Variants in DNER observed in about 807,000 individuals in gnomAD.
DNER encodes the protein delta and Notch-like epidermal growth factor-related receptor.
In DNER, 33 loss-of-function variants were observed where a neutral mutation model predicts 78.2. That is an observed-to-expected ratio of 0.42 (90% CI 0.32 to 0.56). DNER has a LOEUF of 0.56. Ranked by LOEUF, DNER falls within the 20% of genes least tolerant of loss-of-function variation. The pLI, the probability that DNER is intolerant of heterozygous loss-of-function variation, is 0.11. For synonymous variants in DNER, 417 were observed against 384.8 expected, an observed-to-expected ratio of 1.08 and a Z score of -0.98; for missense variants, 918 against 975.3, an observed-to-expected ratio of 0.94 and a Z score of 0.78.
intron 6 of DNER, among the ~76,000 whole-genome samples, chr2:229,492,502 A>C (rs1383759958): frequency 6.6e-6 from 1 of 152,090 alleles, no homozygotes; most frequent in Non-Finnish European, 1.5e-5. Context: ...ACACTCTTTG[A>C]CTCAAAGATG....
chr2:229,522,547 C>T (rs57594063), intron 5 of DNER, among the ~76,000 whole-genome samples: 2,937 of 152,278 alleles, frequency 0.019, 102 homozygotes, highest in African/African-American at 0.068. Flanking sequence ...AGACAACATA[C>T]CATTCTACTT....
In DNER at chr2:229,512,800, G is replaced by A. The variant is rs1695891714; in HGVS notation, c.1130C>T (p.Thr377Ile). 6.2e-6 allele frequency: 10 copies of A among 1,614,034 alleles called. No individual in the cohort carries two copies. Among genetic ancestry groups the A allele is most frequent in the Admixed American group, 3.3e-5 (2 of 60,008 alleles). Residue 377 changes from threonine to isoleucine, a missense_variant, in exon 6 of 13, where the codon ACC becomes ATC. Physicochemically the swap from Thr to Ile is moderately conservative, Grantham distance 89. Coordinates refer to ENST00000341772, the MANE Select transcript of DNER (RefSeq NM_139072.4). ...TGTCGTACCAGGAAGGCAAACACAGGTGAAATTGCTCCCATCTTGCTTTTC... is the reference window on the plus strand; with the variant it reads ...TGTCGTACCAGGAAGGCAAACACAGATGAAATTGCTCCCATCTTGCTTTTC... ...ANEKQDGSNF[T>I]CVCLPGYTGE... is the part of the protein sequence containing the mutation.
intron 11 of DNER, among the ~76,000 whole-genome samples, chr2:229,367,461 C>T (rs34197095): frequency 0.19 from 28,861 of 151,798 alleles, 4,895 homozygotes; most frequent in African/African-American, 0.46. Context: ...ATTAGCTGGG[C>T]GTGGTGGTGG....
chr2:229,708,799 T>TAAGAATGCAGC (rs929362402), intron 1 of DNER, among the ~76,000 whole-genome samples: 1 of 152,216 alleles, frequency 6.6e-6, no homozygotes. Context: ...TGATGCCTCC[T>TAAGAATGCAGC]AAGAATGCAG....
intron 5 of DNER, among the ~76,000 whole-genome samples, chr2:229,514,943 T>C (rs13015872): frequency 1.3e-5 from 2 of 152,242 alleles, no homozygotes; most frequent in African/African-American, 4.8e-5. Context: ...CAGGTCCTTG[T>C]AATCTGCATA....
chr2:229,496,817 T>C (rs1186903886), intron 6 of DNER, among the ~76,000 whole-genome samples: 1 of 152,176 alleles, frequency 6.6e-6, no homozygotes, highest in East Asian at 1.9e-4. Context: ...CAAATATTAA[T>C]ATATCTGAAG....
At chr2:229,380,581 A>G (rs1692714253) in intron 11 of DNER, among the ~76,000 whole-genome samples, 1 of 152,194 alleles carries the variant, frequency 6.6e-6, no homozygotes, top group African/African-American at 2.4e-5. Flanking sequence ...TAATTTAAAT[A>G]AGAAGACAAT....
chr2:229,425,022 A>G (rs1415390941), intron 8 of DNER, among the ~76,000 whole-genome samples: 1 of 152,168 alleles, frequency 6.6e-6, no homozygotes, highest in Admixed American at 6.5e-5. Flanking sequence ...ACTTGAAGAG[A>G]TTTGAGAACA....
At chr2:229,459,795 C>T (rs1162881763) in intron 7 of DNER, among the ~76,000 whole-genome samples, 7 of 151,862 alleles carry the variant, frequency 4.6e-5, no homozygotes, top group South Asian at 2.1e-4. Context: ...CCTGTAATCC[C>T]GGCTACTCAG....
At chr2:229,470,650 G>C (rs1442922337) in intron 7 of DNER, among the ~76,000 whole-genome samples, 1 of 152,178 alleles carries the variant, frequency 6.6e-6, no homozygotes. Context: ...AGGAGTTTGA[G>C]ACCAGCCTGG....
At chr2:229,446,787 T>C (rs1378521934) in intron 8 of DNER, among the ~76,000 whole-genome samples, 1 of 152,180 alleles carries the variant, frequency 6.6e-6, no homozygotes, top group Non-Finnish European at 1.5e-5. Flanking sequence ...AGTTTTAAAT[T>C]CTTACATAGG....
chr2:229,392,951 T>C (rs903652051), intron 10 of DNER, among the ~76,000 whole-genome samples: 1 of 152,014 alleles, frequency 6.6e-6, no homozygotes, highest in Non-Finnish European at 1.5e-5. Flanking sequence ...GACCCATAAC[T>C]GCATGAAAAT....
chr2:229,672,491 G>T (rs1053814115), intron 1 of DNER, among the ~76,000 whole-genome samples: 5 of 151,530 alleles, frequency 3.3e-5, no homozygotes, highest in Admixed American at 6.6e-5. Flanking sequence ...GGAAAGGAGG[G>T]ATGGAGGCAG....
In DNER at chr2:229,714,533, C is replaced by G. The variant is rs1405182040; in HGVS notation, c.-110G>C. 9.8e-6 allele frequency: 10 copies of G among 1,018,266 alleles called. No homozygotes were observed. Among genetic ancestry groups the G allele is most frequent in the East Asian group, 9.3e-5 (1 of 10,732 alleles). The allele number at this position is 1,018,266 out of a possible 1,614,324, so 63.1% of individuals were successfully genotyped here. ...ACGGTGGCGGCTAGGGCTGCTCCGC[C>G]GGGCCGGGCGCCTCCTGCAGCTGCG... On this transcript the variant is annotated 5_prime_UTR_variant, in exon 1 of 13. Transcript: ENST00000341772.
At chr2:229,586,789 A>C in intron 3 of DNER, 1 of 985,692 alleles carries the variant, frequency 1.0e-6, no homozygotes, top group Non-Finnish European at 1.2e-6. Context: ...CAACATCCCA[A>C]CAGCTGCCCA....
intron 4 of DNER, among the ~76,000 whole-genome samples, chr2:229,580,704 G>A (rs1386282456): frequency 1.3e-5 from 2 of 152,138 alleles, no homozygotes; most frequent in African/African-American, 2.4e-5. Flanking sequence ...AAAGTGTGCA[G>A]GAAAAAATCG....
chr2:229,370,109 C>G (rs1692447413), intron 11 of DNER, among the ~76,000 whole-genome samples: 1 of 152,180 alleles, frequency 6.6e-6, no homozygotes. Context: ...TTAGCTGTAT[C>G]TTCAGTCATC....
intron 6 of DNER, among the ~76,000 whole-genome samples, chr2:229,480,858 T>C (rs553206610): frequency 1.4e-4 from 21 of 152,336 alleles, no homozygotes; most frequent in Middle Eastern, 3.4e-3. Context: ...ACAGGAAACA[T>C]GGAACTATGG....
chr2:229,620,533 G>A (rs941628346), intron 1 of DNER, among the ~76,000 whole-genome samples: 4 of 152,282 alleles, frequency 2.6e-5, no homozygotes, highest in Non-Finnish European at 5.9e-5. Context: ...CCGCAGCCTC[G>A]AGGCAGAAGC....
Sources: allele counts gnomAD v4.1 joint callset (sites outside exome capture counted in the v4.1 genomes callset), GRCh38; gene constraint gnomAD v4.1.1; transcripts MANE v1.5; gene names NCBI Gene and HGNC (gene_info 2026-07-23, HGNC 2026-07-21).